RANBP2: variants seen among roughly 807,000 people sequenced by gnomAD.
RANBP2 encodes E3 SUMO-protein ligase RanBP2.
A neutral mutation model predicts 303.6 loss-of-function variants in RANBP2; 57 were observed. The observed-to-expected ratio is 0.19, with a 90% CI of 0.15 to 0.23. RANBP2 has a LOEUF of 0.23. Ranked by LOEUF, RANBP2 falls within the 10% of genes least tolerant of loss-of-function variation. RANBP2 has a pLI of 1.00. For synonymous variants in RANBP2, 1,167 were observed against 1,301.5 expected, an observed-to-expected ratio of 0.90 and a Z score of 2.23; for missense variants, 3,138 against 3,780.8, an observed-to-expected ratio of 0.83 and a Z score of 4.46.
At chr2:108,837,760 C>T in the RANBP2 span, among the ~76,000 whole-genome samples, 2 of 152,140 alleles carry the variant, frequency 1.3e-5, no homozygotes, top group Non-Finnish European at 2.9e-5. Flanking sequence ...GAGTGTATCT[C>T]TGTCATTAAC....
At chr2:109,647,708 G>A in the RANBP2 span, among the ~76,000 whole-genome samples, 2 of 151,834 alleles carry the variant, frequency 1.3e-5, 1 homozygote, top group Middle Eastern at 6.3e-3. Flanking sequence ...GACCTCAGGC[G>A]ATCCACCCGC....
the RANBP2 span, among the ~76,000 whole-genome samples, chr2:109,423,784 C>T: frequency 6.6e-6 from 1 of 152,160 alleles, no homozygotes; most frequent in Non-Finnish European, 1.5e-5. Context: ...ATATTACAGA[C>T]AGATGCGACC....
At chr2:109,023,206 C>T in the RANBP2 span, among the ~76,000 whole-genome samples, 1 of 152,218 alleles carries the variant, frequency 6.6e-6, no homozygotes, top group Admixed American at 6.5e-5. Flanking sequence ...TGAATGCCTG[C>T]AACAGCGCAG....
chr2:109,632,233 T>C, the RANBP2 span, among the ~76,000 whole-genome samples: 1 of 152,206 alleles, frequency 6.6e-6, no homozygotes, highest in African/African-American at 2.4e-5. Flanking sequence ...ACAGTGAAGC[T>C]AATCATAAGC....
At chr2:109,179,017 G>GTGTGTA in the RANBP2 span, among the ~76,000 whole-genome samples, 3 of 151,738 alleles carry the variant, frequency 2.0e-5, no homozygotes, top group Admixed American at 6.6e-5. Context: ...GTGTGTGTGT[G>GTGTGTA]TGTGTGTGTG....
chr2:109,023,962 G>C, the RANBP2 span, among the ~76,000 whole-genome samples: 1 of 151,934 alleles, frequency 6.6e-6, no homozygotes, highest in Non-Finnish European at 1.5e-5. Context: ...TTTCACTCTT[G>C]TTGCTCAGGC....
the RANBP2 span, among the ~76,000 whole-genome samples, chr2:109,209,786 A>G: frequency 6.6e-6 from 1 of 152,210 alleles, no homozygotes; most frequent in Non-Finnish European, 1.5e-5. Flanking sequence ...CTTACTTGGT[A>G]GAATGACAAA....
the RANBP2 span, among the ~76,000 whole-genome samples, chr2:109,566,987 A>T: frequency 6.6e-6 from 1 of 152,230 alleles, no homozygotes; most frequent in Non-Finnish European, 1.5e-5. Flanking sequence ...AACATATAGG[A>T]ATTAAGATCA....
At chr2:108,861,968 G>A in the RANBP2 span, among the ~76,000 whole-genome samples, 2 of 151,998 alleles carry the variant, frequency 1.3e-5, no homozygotes, top group East Asian at 3.9e-4. Context: ...AGTCATTCGG[G>A]AGTAAATTCT....
Position 108,766,436 on chromosome 2 carries a change from C to G in RANBP2, c.5897C>G (p.Pro1966Arg), listed in dbSNP as rs397842524. The G allele has an allele frequency of 3.7e-6, 6 of 1,611,824 alleles. No individual in the cohort carries two copies. Among genetic ancestry groups the G allele is most frequent in the Non-Finnish European group, 5.1e-6 (6 of 1,179,824 alleles). Residue 1966 changes from proline to arginine, a missense_variant, in exon 20 of 29, where the codon CCC becomes CGC. This residue lies in a region of RANBP2 where 348 missense variants were observed against 360.4 expected (regional missense o/e 0.97). Coordinates refer to ENST00000283195, the MANE Select transcript of RANBP2 (RefSeq NM_006267.5). ...GGATTTCAGTTTGGCAAAAAAGACC[C>G]CAATTTCAAGGGATTTTCAGGTGCT... is the stretch of plus-strand genomic sequence containing the variant. ...GEGFQFGKKDPNFKGFSGAGE... is the reference protein window; with the variant it reads ...GEGFQFGKKDRNFKGFSGAGE...
chr2:108,898,571 GA>G, the RANBP2 span, among the ~76,000 whole-genome samples: 1 of 152,044 alleles, frequency 6.6e-6, no homozygotes, highest in African/African-American at 2.4e-5. Context: ...CAAGAACCAA[GA>G]AGATGTCAAA....
chr2:108,777,018 C>G (rs1026850269), intron 24 of RANBP2, 112 bp from the exon 25 acceptor site: 2 of 848,906 alleles, frequency 2.4e-6, no homozygotes, highest in East Asian at 2.6e-5. Flanking sequence ...ATTTAAATAA[C>G]TCCCCTCATC....
the RANBP2 span, among the ~76,000 whole-genome samples, chr2:109,095,552 C>T: frequency 1.1e-4 from 16 of 152,130 alleles, no homozygotes; most frequent in African/African-American, 3.9e-4. Context: ...AAGTTCAAGA[C>T]CAACTTGAGC....
chr2:109,503,743 T>TA, the RANBP2 span: 1 of 152,168 alleles, frequency 6.6e-6, no homozygotes, highest in Non-Finnish European at 1.5e-5. Context: ...GTCTTTTTTT[T>TA]AAGGCGCGCA....
chr2:109,137,250 T>A, the RANBP2 span, among the ~76,000 whole-genome samples: 2 of 152,232 alleles, frequency 1.3e-5, no homozygotes, highest in Non-Finnish European at 2.9e-5. Context: ...TGTTTATTCT[T>A]CCATAGTCTA....
chr2:109,225,675 A>ATG, the RANBP2 span, among the ~76,000 whole-genome samples: 1 of 152,374 alleles, frequency 6.6e-6, no homozygotes, highest in South Asian at 2.1e-4. Flanking sequence ...GTTTCCTGTA[A>ATG]ATATCAGGAA....
At position 108,772,476 on chromosome 2, in the gene RANBP2, A is replaced by C; in HGVS notation, c.8021-13A>C. The C allele has an allele frequency of 1.2e-6, 2 of 1,606,374 alleles. No individual in the cohort carries two copies. The highest frequency in any genetic ancestry group is 2.2e-5 in the South Asian group (2 of 90,772). Reference sequence around the variant, plus strand: ...AATTAACTAGAAATTCTTTTAATCAATTGTATTTTAAGATGAAGATTTCGA... The same window carrying C: ...AATTAACTAGAAATTCTTTTAATCACTTGTATTTTAAGATGAAGATTTCGA... On this transcript the variant is annotated splice_polypyrimidine_tract_variant and intron_variant, in intron 21 of 28. Transcript: ENST00000283195.
chr2:109,546,135 T>C, the RANBP2 span: 4 of 1,611,438 alleles, frequency 2.5e-6, no homozygotes, highest in Non-Finnish European at 3.4e-6. Context: ...GCTTTCTTTT[T>C]AGAGAAAGCA....
the RANBP2 span, among the ~76,000 whole-genome samples, chr2:109,251,225 A>G: frequency 1.7e-3 from 255 of 151,388 alleles, 1 homozygote; most frequent in Admixed American, 2.6e-3. Flanking sequence ...CTGGTCTCGA[A>G]CTCCTTACCT....
Sources: gnomAD v4.1 joint callset for allele counts (sites outside exome capture counted in the v4.1 genomes callset) on GRCh38, gnomAD v4.1.1 for gene constraint, gnomAD v4.1.1 regional missense constraint, MANE v1.5 for transcripts, NCBI Gene and HGNC (gene_info 2026-07-23, HGNC 2026-07-21) for gene names.